The following SKAP1 variants were observed in gnomAD, a reference collection of about 807,000 sequenced individuals.
The protein encoded by SKAP1 is src kinase-associated phosphoprotein 1.
Under a neutral mutation model 58.5 loss-of-function variants are expected in SKAP1, and 44 were observed. The observed-to-expected ratio is 0.75, with a 90% confidence interval of 0.59 to 0.97. The LOEUF (loss-of-function observed/expected upper bound fraction) is 0.97, where lower values mean the gene tolerates loss of function less well. Ranked by LOEUF, SKAP1 falls within the 50% of genes least tolerant of loss-of-function variation. The probability of loss-of-function intolerance (pLI) is 0.00; values close to 1 mark genes in which losing one functional copy is unlikely to be tolerated. For missense variants in SKAP1, 390 were observed against 435.2 expected, an observed-to-expected ratio of 0.90 and a Z score of 0.92; for synonymous variants, 127 against 149.7, an observed-to-expected ratio of 0.85 and a Z score of 1.11.
intron 11 of SKAP1, among the ~76,000 whole-genome samples, chr17:48,149,566 A>G (rs1412722047): frequency 2.0e-5 from 3 of 152,094 alleles, no homozygotes; most frequent in African/African-American, 7.2e-5. Flanking sequence ...TTCCATGACA[A>G]CCGCTTATAG....
chr17:48,190,581 C>T (rs1438899259), intron 4 of SKAP1, among the ~76,000 whole-genome samples: 4 of 151,750 alleles, frequency 2.6e-5, no homozygotes, highest in African/African-American at 9.7e-5. Flanking sequence ...AATTTTTTTT[C>T]TCTTAACAAA....
chr17:48,179,793 T>C (rs1448428051), intron 9 of SKAP1, among the ~76,000 whole-genome samples: 2 of 152,200 alleles, frequency 1.3e-5, no homozygotes, highest in Admixed American at 6.5e-5. Flanking sequence ...TGTTGACTCT[T>C]TAACCTGGTG....
intron 4 of SKAP1, among the ~76,000 whole-genome samples, chr17:48,298,331 C>G (rs1200047991): frequency 2.0e-5 from 3 of 152,162 alleles, no homozygotes; most frequent in African/African-American, 7.2e-5. Context: ...GTTTTGGTAG[C>G]ATGGATAACT....
intron 11 of SKAP1, among the ~76,000 whole-genome samples, chr17:48,150,914 G>C (rs991686875): frequency 1.3e-4 from 20 of 152,114 alleles, no homozygotes; most frequent in African/African-American, 4.8e-4. Flanking sequence ...CACTTGCTGT[G>C]GCTCCTGTGA....
At chr17:48,274,113 G>C (rs1232905086) in intron 4 of SKAP1, among the ~76,000 whole-genome samples, 1 of 152,162 alleles carries the variant, frequency 6.6e-6, no homozygotes, top group East Asian at 1.9e-4. Flanking sequence ...TTTAGGCCAA[G>C]CGAGGTGGCT....
chr17:48,409,457 G>A (rs559386458), intron 1 of SKAP1, among the ~76,000 whole-genome samples: 1 of 152,230 alleles, frequency 6.6e-6, no homozygotes, highest in Non-Finnish European at 1.5e-5. Context: ...TTGTGCCCAG[G>A]AGTTCAAGAC....
intron 4 of SKAP1, among the ~76,000 whole-genome samples, chr17:48,265,138 G>A (rs2065529601): frequency 6.6e-6 from 1 of 152,162 alleles, no homozygotes. Flanking sequence ...AGACGTACCT[G>A]AATCCAGTTT....
rs112223852 is a variant in SKAP1, at chr17:48,408,784, A to G, written c.47-11999T>C. Among the ~76,000 whole-genome samples, 609 of 152,334 alleles carry G rather than the reference A, an allele frequency of 4.0e-3. 8 individuals are homozygous for G. The highest frequency in any genetic ancestry group is 0.014 in the African/African-American group (583 of 41,576). The stretch of plus-strand genomic sequence containing the variant: ...AATGCCAAAACTTTATGACTAAGAT[A>G]CTAAGGAAAGAAACTGTAGACCAAT... On this transcript the variant is annotated intron_variant, in intron 1 of 12. Transcript: ENST00000336915.
chr17:48,285,741 T>G (rs1236152612), intron 4 of SKAP1, among the ~76,000 whole-genome samples: 1 of 152,204 alleles, frequency 6.6e-6, no homozygotes, highest in Non-Finnish European at 1.5e-5. Flanking sequence ...ATAACAGCCA[T>G]TATGTGCAAT....
At chr17:48,206,414 T>C (rs1013817976) in intron 4 of SKAP1, among the ~76,000 whole-genome samples, 1 of 133,464 alleles carries the variant, frequency 7.5e-6, no homozygotes, top group Non-Finnish European at 1.7e-5. Flanking sequence ...CCCAGTCCTC[T>C]TGGGTAAAAA....
At chr17:48,311,607 T>A (rs1217704068) in intron 4 of SKAP1, among the ~76,000 whole-genome samples, 1 of 152,182 alleles carries the variant, frequency 6.6e-6, no homozygotes, top group East Asian at 1.9e-4. Context: ...CTTCTAAATT[T>A]TACCAGGGTA....
Position 48,427,101 on chromosome 17 carries a change from A to G in SKAP1, c.46+2974T>C, listed in dbSNP as rs765526804. Among the ~76,000 whole-genome samples, 80 of 151,826 alleles carry G rather than the reference A, an allele frequency of 5.3e-4. 2 individuals carry two copies. In the Middle Eastern group the frequency reaches 0.01, roughly 19 times the overall value. ...AAATTAATAACCTCCCCTCCTCCAA[A>G]CTCTCAGTCTTCTCTCAAGGAAGCC... On this transcript the variant is annotated intron_variant, in intron 1 of 12. Coordinates refer to ENST00000336915, the MANE Select transcript of SKAP1 (RefSeq NM_003726.4).
chr17:48,297,657 C>T (rs1370395506), intron 4 of SKAP1, among the ~76,000 whole-genome samples: 2 of 152,118 alleles, frequency 1.3e-5, no homozygotes, highest in East Asian at 3.8e-4. Flanking sequence ...AGCCATGCTG[C>T]CATGAGAAAC....
intron 5 of SKAP1, 33 bp downstream of exon 5, chr17:48,189,390 G>A (rs2064505284): frequency 1.3e-6 from 2 of 1,545,052 alleles, no homozygotes; most frequent in African/African-American, 1.4e-5. Flanking sequence ...TCCCTTCCTG[G>A]AATGTTCTGA....
At chr17:48,354,856 T>G (rs2066854819) in intron 3 of SKAP1, among the ~76,000 whole-genome samples, 1 of 152,106 alleles carries the variant, frequency 6.6e-6, no homozygotes, top group African/African-American at 2.4e-5. Flanking sequence ...ACAAAAAAGT[T>G]TTAAGCAAAA....
At chr17:48,315,806 T>C (rs1450602102) in intron 4 of SKAP1, among the ~76,000 whole-genome samples, 2 of 152,166 alleles carry the variant, frequency 1.3e-5, no homozygotes, top group Non-Finnish European at 2.9e-5. Flanking sequence ...TTATTTAAAA[T>C]CTTGTATAAA....
intron 1 of SKAP1, 120 bp downstream of exon 1, chr17:48,429,955 C>T (rs917871455): frequency 1.2e-6 from 1 of 843,488 alleles, no homozygotes; most frequent in Non-Finnish European, 1.6e-6. Context: ...GCTCTAGAAG[C>T]CTTAAGGTTC....
At chr17:48,176,061 A>T (rs2064285775) in intron 9 of SKAP1, among the ~76,000 whole-genome samples, 1 of 152,206 alleles carries the variant, frequency 6.6e-6, no homozygotes, top group Non-Finnish European at 1.5e-5. Flanking sequence ...TACAGGGGGA[A>T]AAATAATTCC....
chr17:48,222,547 T>G (rs1409523365), intron 4 of SKAP1, among the ~76,000 whole-genome samples: 1 of 151,872 alleles, frequency 6.6e-6, no homozygotes, highest in Admixed American at 6.5e-5. Context: ...TGGCACAATC[T>G]CAGCTCACTG....
Sources: gnomAD v4.1 joint callset for allele counts (sites outside exome capture counted in the v4.1 genomes callset) on GRCh38, gnomAD v4.1.1 for gene constraint, MANE v1.5 for transcripts, NCBI Gene and HGNC (gene_info 2026-07-23, HGNC 2026-07-21) for gene names.